Variants in ASIC2 observed in about 807,000 individuals in gnomAD.
ASIC2 encodes acid sensing ion channel subunit 2.
Under a neutral mutation model 57.3 loss-of-function variants are expected in ASIC2, and 25 were observed. The observed-to-expected ratio is 0.44, with a 90% CI of 0.32 to 0.61. The LOEUF is 0.61. ASIC2 is among the 20% of genes least tolerant of loss of function. ASIC2 has a pLI of 0.06. For missense variants in ASIC2, 641 were observed against 738.1 expected, an observed-to-expected ratio of 0.87 and a Z score of 1.52; for synonymous variants, 319 against 307.5, an observed-to-expected ratio of 1.04 and a Z score of -0.39.
At chr17:33,111,196 A>G (rs2141986405) in intron 2 of ASIC2, among the ~76,000 whole-genome samples, 1 of 152,166 alleles carries the variant, frequency 6.6e-6, no homozygotes, top group Non-Finnish European at 1.5e-5. Flanking sequence ...CCATCTCAAG[A>G]CCCTGCTCAA....
chr17:33,472,655 C>A (rs1402813129), intron 1 of ASIC2, among the ~76,000 whole-genome samples: 1 of 152,092 alleles, frequency 6.6e-6, no homozygotes, highest in African/African-American at 2.4e-5. Context: ...GGAGAGCCTG[C>A]AGAACATCTT....
chr17:34,148,488 A>G (rs1421523315), intron 1 of ASIC2, among the ~76,000 whole-genome samples: 1 of 152,238 alleles, frequency 6.6e-6, no homozygotes, highest in East Asian at 1.9e-4. Flanking sequence ...GAGCATCCTA[A>G]GGAATATGAA....
intron 1 of ASIC2, among the ~76,000 whole-genome samples, chr17:33,456,029 C>A (rs750784136): frequency 6.6e-6 from 1 of 152,228 alleles, no homozygotes; most frequent in Non-Finnish European, 1.5e-5. Flanking sequence ...ATGAGGAACT[C>A]AGCCCTCCAG....
chr17:33,769,000 A>C (rs1911016552), intron 1 of ASIC2, among the ~76,000 whole-genome samples: 1 of 152,158 alleles, frequency 6.6e-6, no homozygotes, highest in African/African-American at 2.4e-5. Flanking sequence ...AAGTATAATA[A>C]AAAAAATTCT....
intron 1 of ASIC2, among the ~76,000 whole-genome samples, chr17:34,064,226 A>G (rs1412835013): frequency 6.6e-6 from 1 of 152,188 alleles, no homozygotes; most frequent in Non-Finnish European, 1.5e-5. Flanking sequence ...AAACCCAAAT[A>G]CTTCCAGCCA....
chr17:34,090,761 CA>C (rs1195448512), intron 1 of ASIC2, among the ~76,000 whole-genome samples: 8 of 152,284 alleles, frequency 5.3e-5, no homozygotes, highest in Admixed American at 5.2e-4. Context: ...GCTGGGACCC[CA>C]AAAGTACTCA....
intron 1 of ASIC2, among the ~76,000 whole-genome samples, chr17:33,706,204 CATATATAT>C (rs3030213): frequency 0.2 from 27,640 of 140,708 alleles, 3,472 homozygotes; most frequent in African/African-American, 0.37. Flanking sequence ...ATATATGATT[CATATATAT>C]ATATATATAT....
intron 1 of ASIC2, among the ~76,000 whole-genome samples, chr17:33,463,430 G>C (rs1246444354): frequency 6.6e-6 from 1 of 152,100 alleles, no homozygotes; most frequent in Non-Finnish European, 1.5e-5. Context: ...ACTACTCTTT[G>C]GACTAAATAT....
At position 33,655,172 on chromosome 17, in the gene ASIC2, G is replaced by C. The variant is rs34959758; in HGVS notation, c.555+500806C>G. ...GTTGTCAAAGAACCAGACAGACCTG[G>C]TGCCTCGGGAAAGCCCTTCTGCTCT... On this transcript the variant is annotated intron_variant, in intron 1 of 9. Transcript: ENST00000359872. Among the ~76,000 whole-genome samples the C allele has an allele frequency of 7.2e-3, 1,101 of 152,226 alleles. 10 individuals are homozygous for C. The highest frequency in any genetic ancestry group is 0.025 in the African/African-American group (1,045 of 41,526).
rs566072122 is a variant in ASIC2 at position 33,234,996 on chromosome 17, G to T, written c.708+56412C>A. Among the ~76,000 whole-genome samples the T allele has an allele frequency of 6.6e-5, 10 of 152,270 alleles. 1 individual carries two copies. In the South Asian group the frequency reaches 1.9e-3, roughly 28 times the overall value. On this transcript the variant is annotated intron_variant, in intron 1 of 9. Transcript: ENST00000225823. ...CAAAACTGCGGCTGCATCCTTTCTGGTCTTCTCCTGCTTCCTTCGCTCCCT... is the reference window on the plus strand; with the variant it reads ...CAAAACTGCGGCTGCATCCTTTCTGTTCTTCTCCTGCTTCCTTCGCTCCCT...
intron 1 of ASIC2, among the ~76,000 whole-genome samples, chr17:34,040,313 C>A (rs183502064): frequency 1.5e-4 from 22 of 147,648 alleles, no homozygotes; most frequent in African/African-American, 4.8e-4. Flanking sequence ...TAATCCGGAT[C>A]GGTTCGGTCC....
intron 1 of ASIC2, among the ~76,000 whole-genome samples, chr17:34,106,645 A>T (rs1911068477): frequency 6.6e-6 from 1 of 152,084 alleles, no homozygotes; most frequent in Non-Finnish European, 1.5e-5. Context: ...TTTTTCCATG[A>T]TTTATCATTC....
At chr17:34,092,600 T>C (rs543692368) in intron 1 of ASIC2, among the ~76,000 whole-genome samples, 2 of 152,322 alleles carry the variant, frequency 1.3e-5, no homozygotes, top group African/African-American at 4.8e-5. Flanking sequence ...ATGCCTGACT[T>C]CTAGAGGCAG....
chr17:33,809,515 T>C (rs1401251241), intron 1 of ASIC2, among the ~76,000 whole-genome samples: 1 of 152,206 alleles, frequency 6.6e-6, no homozygotes, highest in South Asian at 2.1e-4. Flanking sequence ...TAAGAAGACA[T>C]GGATATGAAA....
At chr17:33,191,453 T>C (rs895369080) in intron 1 of ASIC2, among the ~76,000 whole-genome samples, 1 of 152,040 alleles carries the variant, frequency 6.6e-6, no homozygotes, top group Non-Finnish European at 1.5e-5. Flanking sequence ...ACTCATCAGA[T>C]TAAACACTTT....
chr17:33,715,195 T>A (rs1206552877), intron 1 of ASIC2, among the ~76,000 whole-genome samples: 3 of 151,928 alleles, frequency 2.0e-5, no homozygotes, highest in Non-Finnish European at 2.9e-5. Context: ...AGAGACAGGG[T>A]CTCACTGCGT....
At chr17:33,870,224 G>GTTTTTTTTTTTTTTTTTTTTT (rs869267956) in intron 1 of ASIC2, among the ~76,000 whole-genome samples, 3 of 50,120 alleles carry the variant, frequency 6.0e-5, no homozygotes, top group African/African-American at 8.0e-5. Flanking sequence ...GAGAAATTCT[G>GTTTTTTTTTTTTTTTTTTTTT]TTTTTTTTTT....
intron 1 of ASIC2, among the ~76,000 whole-genome samples, chr17:33,741,151 G>A (rs1025900776): frequency 5.9e-4 from 90 of 152,278 alleles, no homozygotes; most frequent in South Asian, 3.1e-3. Context: ...TGACTGCCCA[G>A]GGTCTTCAGA....
At chr17:33,790,415 A>C (rs1160115942) in intron 1 of ASIC2, among the ~76,000 whole-genome samples, 1 of 152,240 alleles carries the variant, frequency 6.6e-6, no homozygotes, top group Non-Finnish European at 1.5e-5. Context: ...GAAAAAATGT[A>C]TTATAGAGGT....
Sources: allele counts gnomAD v4.1 joint callset (sites outside exome capture counted in the v4.1 genomes callset), GRCh38; gene constraint gnomAD v4.1.1; transcripts MANE v1.5; gene names NCBI Gene and HGNC (gene_info 2026-07-23, HGNC 2026-07-21).